LRRC4C: variants seen among roughly 807,000 people sequenced by gnomAD.
The protein encoded by LRRC4C is leucine rich repeat containing 4C, also known as leucine-rich repeat-containing protein 4C.
LRRC4C carries 5 observed loss-of-function variants against 33.6 expected under a neutral mutation model. The observed-to-expected ratio is 0.15, with a 90% CI of 0.08 to 0.31. The LOEUF (loss-of-function observed/expected upper bound fraction) is 0.31. Ranked by LOEUF, LRRC4C falls within the 10% of genes least tolerant of loss-of-function variation. LRRC4C has a pLI of 1.00. For missense variants in LRRC4C, 560 were observed against 796.7 expected (o/e 0.70, Z 3.58); for synonymous variants, 329 against 302.0 (o/e 1.09, Z -0.93).
intron 1 of LRRC4C, among the ~76,000 whole-genome samples, chr11:41,109,196 G>A (rs1285110871): frequency 6.6e-6 from 1 of 151,800 alleles, no homozygotes; most frequent in African/African-American, 2.4e-5. Context: ...TAGTTACCCT[G>A]TACTTTTCTA....
intron 1 of LRRC4C, among the ~76,000 whole-genome samples, chr11:40,941,294 C>A (rs796163029): frequency 5.3e-5 from 8 of 152,200 alleles, no homozygotes; most frequent in African/African-American, 1.9e-4. Context: ...CATCCCACTC[C>A]TTACTTGAAA....
intron 1 of LRRC4C, among the ~76,000 whole-genome samples, chr11:41,277,409 C>A (rs1271315488): frequency 6.6e-6 from 1 of 152,068 alleles, no homozygotes; most frequent in African/African-American, 2.4e-5. Flanking sequence ...TATATTATTT[C>A]TTTTTAAAGT....
chr11:40,907,161 T>A (rs978970491), intron 2 of LRRC4C, among the ~76,000 whole-genome samples: 1 of 152,244 alleles, frequency 6.6e-6, no homozygotes, highest in African/African-American at 2.4e-5. Context: ...TAGTTCAACA[T>A]CTTTGGCTGA....
At chr11:40,283,027 T>C (rs577738218) in intron 4 of LRRC4C, among the ~76,000 whole-genome samples, 1 of 152,330 alleles carries the variant, frequency 6.6e-6, no homozygotes, top group African/African-American at 2.4e-5. Context: ...CATTCATGAG[T>C]AGGAAGGCCT....
At chr11:41,314,528 C>T (rs893677981) in intron 1 of LRRC4C, among the ~76,000 whole-genome samples, 9 of 152,094 alleles carry the variant, frequency 5.9e-5, no homozygotes, top group Non-Finnish European at 1.0e-4. Context: ...TTGAGAGACC[C>T]TCTTGAGCTA....
At chr11:40,601,970 C>A (rs1801907924) in intron 3 of LRRC4C, among the ~76,000 whole-genome samples, 1 of 151,846 alleles carries the variant, frequency 6.6e-6, no homozygotes, top group Admixed American at 6.6e-5. Flanking sequence ...GCAGGCAGAA[C>A]ACGAGGTCAG....
chr11:41,174,864 A>T (rs1402608497), intron 1 of LRRC4C, among the ~76,000 whole-genome samples: 1 of 152,086 alleles, frequency 6.6e-6, no homozygotes, highest in Admixed American at 6.6e-5. Flanking sequence ...CTAAAACTGA[A>T]CCATTTTTCT....
chr11:40,320,916 T>C (rs571654540), intron 3 of LRRC4C, among the ~76,000 whole-genome samples: 8 of 152,338 alleles, frequency 5.3e-5, no homozygotes, highest in African/African-American at 1.9e-4. Context: ...GCATGAGTTA[T>C]TTGTAGGTAA....
rs571033231 is a variant in LRRC4C at position 40,578,364 on chromosome 11, A to T, written c.-270+69778T>A. On this transcript the variant is annotated intron_variant, in intron 3 of 6. Transcript: ENST00000528697. ...GGAATAGGTGGTCTTTTAAATTTTC[A>T]GTAATATTTTAAAATTCTAGATTTC... Among the ~76,000 whole-genome samples, 7 of 151,890 alleles carry T rather than the reference A, an allele frequency of 4.6e-5. No homozygotes were observed. The South Asian group carries it at 1.5e-3, about 32-fold the overall frequency.
At chr11:40,608,275 C>G (rs529998062) in intron 3 of LRRC4C, among the ~76,000 whole-genome samples, 1 of 152,076 alleles carries the variant, frequency 6.6e-6, no homozygotes, top group Non-Finnish European at 1.5e-5. Context: ...GTGTAGAGTG[C>G]TTTTATGTAA....
chr11:40,337,458 T>C (rs181313842), intron 3 of LRRC4C, among the ~76,000 whole-genome samples: 82 of 152,318 alleles, frequency 5.4e-4, no homozygotes, highest in African/African-American at 1.9e-3. Flanking sequence ...CAATGGCAGC[T>C]TAAGTCTTCT....
intron 5 of LRRC4C, among the ~76,000 whole-genome samples, chr11:40,162,356 C>T (rs1366950666): frequency 6.6e-6 from 1 of 152,022 alleles, no homozygotes; most frequent in Non-Finnish European, 1.5e-5. Flanking sequence ...AATTTTGACA[C>T]AGAATTAGAG....
chr11:41,271,521 T>A (rs1591119799), intron 1 of LRRC4C, among the ~76,000 whole-genome samples: 2 of 150,512 alleles, frequency 1.3e-5, no homozygotes, highest in Non-Finnish European at 2.9e-5. Context: ...CAACTTTTTG[T>A]TCAGATGTCA....
At chr11:40,362,417 G>GA (rs199991978) in intron 3 of LRRC4C, among the ~76,000 whole-genome samples, 41 of 151,264 alleles carry the variant, frequency 2.7e-4, no homozygotes, top group South Asian at 1.0e-3. Flanking sequence ...AAATTTACAA[G>GA]AAAAAAAAAC....
At chr11:41,335,338 GGAAA>G (rs1366068543) in intron 1 of LRRC4C, among the ~76,000 whole-genome samples, 1 of 152,042 alleles carries the variant, frequency 6.6e-6, no homozygotes, top group African/African-American at 2.4e-5. Context: ...AGAGTTTAAG[GGAAA>G]GAATTTCAAC....
At chr11:40,283,293 T>G (rs778669166) in intron 4 of LRRC4C, among the ~76,000 whole-genome samples, 2 of 152,228 alleles carry the variant, frequency 1.3e-5, no homozygotes, top group Non-Finnish European at 2.9e-5. Context: ...CACATACCCA[T>G]GTACTTGCAC....
At chr11:41,118,615 C>T (rs1413419815) in intron 1 of LRRC4C, among the ~76,000 whole-genome samples, 2 of 152,106 alleles carry the variant, frequency 1.3e-5, no homozygotes, top group East Asian at 1.9e-4. Flanking sequence ...ATTCCATTTC[C>T]ACCAGTCATT....
intron 3 of LRRC4C, among the ~76,000 whole-genome samples, chr11:40,635,541 C>T (rs560035162): frequency 7.9e-5 from 12 of 151,568 alleles, no homozygotes; most frequent in Middle Eastern, 3.5e-3. Flanking sequence ...GCAGTGACAA[C>T]TCAAGGAGCT....
chr11:40,665,328 ATATATAT>A (rs1943718181), intron 2 of LRRC4C, among the ~76,000 whole-genome samples: 1 of 6,958 alleles, frequency 1.4e-4, no homozygotes, highest in Non-Finnish European at 3.0e-4. Context: ...AAAAAAAAAT[ATATATAT>A]ATATATATAT....
Sources: gnomAD v4.1 joint callset for allele counts (sites outside exome capture counted in the v4.1 genomes callset) on GRCh38, gnomAD v4.1.1 for gene constraint, MANE v1.5 for transcripts, NCBI Gene and HGNC (gene_info 2026-07-23, HGNC 2026-07-21) for gene names.